RORB: variants seen among roughly 807,000 people sequenced by gnomAD.
RORB encodes nuclear receptor ROR-beta.
RORB carries 6 observed loss-of-function variants against 59.1 expected under a neutral mutation model. That is an observed-to-expected ratio of 0.10 (90% confidence interval 0.06 to 0.20). The LOEUF is 0.20. RORB is among the 10% of genes least tolerant of loss of function. RORB has a pLI of 1.00. For synonymous variants in RORB, 215 were observed against 204.5 expected (o/e 1.05, Z -0.44); for missense variants, 320 against 560.5 (o/e 0.57, Z 4.33).
chr9:74,672,361 C>T (rs1271478314), intron 9 of RORB, among the ~76,000 whole-genome samples: 1 of 152,164 alleles, frequency 6.6e-6, no homozygotes, highest in African/African-American at 2.4e-5. Flanking sequence ...AAGCAGTGAG[C>T]TCTGTGTCAT....
At position 74,642,540 on chromosome 9, in the gene RORB, T is replaced by C; in HGVS notation, c.362T>C (p.Val121Ala). The change falls in exon 4 of 10, where the codon GTG (valine) becomes GCG (alanine). Residue 121 changes from valine to alanine, a missense_variant. Val to Ala is a moderately conservative substitution (Grantham distance 64). Transcript: ENST00000376896. Reference protein sequence around the residue: ...QSGEAEALARVYSSSISNGLS... With the variant: ...QSGEAEALARAYSSSISNGLS... ...GGGGAGGCAGAAGCCCTTGCCAGGG[T>C]GTACAGCAGCAGCATTAGCAACGGC... 1 of 1,614,018 alleles carries C rather than the reference T, an allele frequency of 6.2e-7. No homozygotes were observed. Among genetic ancestry groups the C allele is most frequent in the African/African-American group, 1.3e-5 (1 of 74,976 alleles).
chr9:74,576,678 C>A (rs1285191570), intron 1 of RORB, among the ~76,000 whole-genome samples: 1 of 151,984 alleles, frequency 6.6e-6, no homozygotes, highest in African/African-American at 2.4e-5. Flanking sequence ...ATTTTTTGAA[C>A]CCGCCTGGGA....
At chr9:74,666,828 C>A (rs930978248) in intron 7 of RORB, among the ~76,000 whole-genome samples, 4 of 152,174 alleles carry the variant, frequency 2.6e-5, no homozygotes, top group African/African-American at 9.7e-5. Context: ...ATCATCACAT[C>A]CAGTCATCAG....
intron 1 of RORB, among the ~76,000 whole-genome samples, chr9:74,557,302 CT>C (rs1442145903): frequency 6.6e-6 from 1 of 152,144 alleles, no homozygotes; most frequent in Non-Finnish European, 1.5e-5. Context: ...AGAGCTACTC[CT>C]GCCCCTCCAC....
rs1410753836 is a variant in RORB at position 74,549,631 on chromosome 9, AG to A, written c.7+51650del. Among the ~76,000 whole-genome samples the A allele has an allele frequency of 7.4e-4, 108 of 146,142 alleles. 4 individuals carry two copies. The highest frequency in any genetic ancestry group is 6.9e-3 in the Middle Eastern group (2 of 288). On this transcript the variant is annotated intron_variant, in intron 1 of 9. Transcript: ENST00000376896. The stretch of plus-strand genomic sequence containing the variant: ...AAGAAAGGAAGGAAGGAAGGAAGAA[AG>A]GAAAGAAAGAAAGAAAGAGAGAAGA...
At chr9:74,570,090 C>T (rs2118224452) in intron 1 of RORB, among the ~76,000 whole-genome samples, 1 of 152,146 alleles carries the variant, frequency 6.6e-6, no homozygotes, top group East Asian at 1.9e-4. Flanking sequence ...CTTCAGAAAT[C>T]TTCTTTGGAG....
chr9:74,535,012 C>T lies in RORB; in HGVS notation c.7+37029C>T, dbSNP rs145719661. On this transcript the variant is annotated intron_variant, in intron 1 of 9. Transcript: ENST00000376896. ...ATTCTCACCTCTCCATATAGATCAG[C>T]GGGCTCTGTAACCAGTCAGTCACGC... Among the ~76,000 whole-genome samples the T allele has an allele frequency of 8.7e-3, 1,326 of 152,120 alleles. 10 individuals carry two copies. The highest frequency in any genetic ancestry group is 0.014 in the Non-Finnish European group (925 of 67,978).
intron 9 of RORB, among the ~76,000 whole-genome samples, chr9:74,672,641 T>A (rs971629965): frequency 1.3e-5 from 2 of 152,166 alleles, no homozygotes; most frequent in African/African-American, 4.8e-5. Context: ...AGTAAAATAA[T>A]CACAAAAGGA....
At chr9:74,674,188 T>A (rs563716859) in intron 9 of RORB, among the ~76,000 whole-genome samples, 1 of 152,300 alleles carries the variant, frequency 6.6e-6, no homozygotes, top group Non-Finnish European at 1.5e-5. Flanking sequence ...AACTGTTTCA[T>A]CCCATCACAG....
At chr9:74,601,496 T>G (rs188883757) in intron 1 of RORB, among the ~76,000 whole-genome samples, 73 of 152,130 alleles carry the variant, frequency 4.8e-4, no homozygotes, top group African/African-American at 1.6e-3. Context: ...GTTTATCATG[T>G]CAGAGATATT....
intron 1 of RORB, among the ~76,000 whole-genome samples, chr9:74,563,413 T>C (rs1056573719): frequency 1.3e-5 from 2 of 152,162 alleles, no homozygotes; most frequent in Non-Finnish European, 2.9e-5. Context: ...CTCAAACTCC[T>C]GACCTTGTGA....
chr9:74,497,768 C>A lies in RORB; in HGVS notation c.-209C>A. Reference sequence around the variant, plus strand: ...ACAAACAAACAATCATCAAAACAGTCACCACCAACATCAAAACTGTTAACA... The same window carrying A: ...ACAAACAAACAATCATCAAAACAGTAACCACCAACATCAAAACTGTTAACA... On this transcript the variant is annotated 5_prime_UTR_variant, in exon 1 of 10. Transcript: ENST00000376896. The A allele has an allele frequency of 1.8e-6, 1 of 559,088 alleles. No homozygotes were observed. Among genetic ancestry groups the A allele is most frequent in the Middle Eastern group, 2.8e-4 (1 of 3,636 alleles). The allele number at this position is 559,088 out of a possible 1,614,324, so 34.6% of individuals were successfully genotyped here.
intron 9 of RORB, among the ~76,000 whole-genome samples, chr9:74,678,255 G>A (rs80059088): frequency 0.06 from 9,173 of 152,254 alleles, 326 homozygotes; most frequent in Non-Finnish European, 0.062. Flanking sequence ...AACTCTTAAT[G>A]TAAGGCAGCT....
rs923332675 is a variant in RORB, at chr9:74,686,215, T to C, written c.*597T>C. On this transcript the variant is annotated 3_prime_UTR_variant, in exon 10 of 10. Coordinates refer to ENST00000376896, the MANE Select transcript of RORB (RefSeq NM_006914.4). Reference sequence around the variant, plus strand: ...TCAGGCTCTCTTCTATGATTTACCTTCTGTGTTATATGTTACCTTTATGTT... The same window carrying C: ...TCAGGCTCTCTTCTATGATTTACCTCCTGTGTTATATGTTACCTTTATGTT... 6.5e-6 allele frequency: 1 copy of C among 152,676 alleles called. No homozygotes were observed. Among genetic ancestry groups the C allele is most frequent in the African/African-American group, 2.4e-5 (1 of 41,466 alleles). 9.5% of individuals were successfully genotyped at this position (152,676 alleles called of 1,614,324 possible). A position where few individuals can be genotyped will look rare whatever the true frequency, so the allele number is the denominator to read the frequency against.
At position 74,660,733 on chromosome 9, in the gene RORB, A is replaced by G. The variant is rs1331169273; in HGVS notation, c.754A>G (p.Ser252Gly). 6.2e-7 allele frequency: 1 copy of G among 1,611,516 alleles called. No individual in the cohort carries two copies. Among genetic ancestry groups the G allele is most frequent in the South Asian group, 1.1e-5 (1 of 90,332 alleles). ...HTYEEIKAYQSKSREALWQQC... is the reference protein window; with the variant it reads ...HTYEEIKAYQGKSREALWQQC... ...CTATGAAGAAATTAAAGCATATCAA[A>G]GCAAGGTACTCTGGGAAACCATGAG... The change falls in exon 5 of 10, where the codon AGC becomes GGC. Residue 252 changes from serine to glycine, a missense_variant. This residue lies in a region of RORB where 40 missense variants were observed against 116.9 expected (regional missense o/e 0.34). Transcript: ENST00000376896.
chr9:74,661,378 G>A (rs1371415916), intron 5 of RORB, among the ~76,000 whole-genome samples: 1 of 152,114 alleles, frequency 6.6e-6, no homozygotes, highest in Admixed American at 6.5e-5. Context: ...ATATATAAAT[G>A]TGTGTATATC....
chr9:74,633,721 C>G (rs530547690), intron 2 of RORB, among the ~76,000 whole-genome samples: 1 of 152,216 alleles, frequency 6.6e-6, no homozygotes, highest in Non-Finnish European at 1.5e-5. Context: ...TTTAGACAAG[C>G]AGTGTATGGT....
intron 1 of RORB, among the ~76,000 whole-genome samples, chr9:74,569,022 A>G (rs1157249228): frequency 2.0e-5 from 3 of 152,108 alleles, no homozygotes; most frequent in Non-Finnish European, 4.4e-5. Flanking sequence ...GAATGTACCA[A>G]TGTTAAGGTT....
At chr9:74,605,412 G>T (rs913379585) in intron 1 of RORB, among the ~76,000 whole-genome samples, 2 of 152,102 alleles carry the variant, frequency 1.3e-5, no homozygotes, top group African/African-American at 4.8e-5. Flanking sequence ...GGCCTTTTGG[G>T]GAATTTAAAC....
Sources: gnomAD v4.1 joint callset for allele counts (sites outside exome capture counted in the v4.1 genomes callset) on GRCh38, gnomAD v4.1.1 for gene constraint, gnomAD v4.1.1 regional missense constraint, MANE v1.5 for transcripts, NCBI Gene and HGNC (gene_info 2026-07-23, HGNC 2026-07-21) for gene names.